MLLT6: variants seen among roughly 807,000 people sequenced by gnomAD.
The protein encoded by MLLT6 is protein AF-17.
Under a neutral mutation model 103.0 loss-of-function variants are expected in MLLT6, and 22 were observed. The ratio of observed to expected loss-of-function variants is 0.21; its 90% CI spans 0.15 to 0.31. The LOEUF is 0.31. MLLT6 is among the 10% of genes least tolerant of loss of function. MLLT6 has a pLI of 1.00. For synonymous variants in MLLT6, 606 were observed against 623.5 expected (o/e 0.97, Z 0.42); for missense variants, 1,199 against 1,441.7 (o/e 0.83, Z 2.73).
intron 17 of MLLT6, 131 bp from the exon 18 acceptor site, chr17:38,722,547 C>A (rs118058662): frequency 7.6e-6 from 5 of 657,216 alleles, no homozygotes; most frequent in African/African-American, 1.8e-5. Context: ...GCTCTAAGAT[C>A]GCACATCCCT....
chr17:38,722,633 A>G (rs772733487), intron 17 of MLLT6, 45 bp from the exon 18 acceptor site: 2 of 377,882 alleles, frequency 5.3e-6, no homozygotes, highest in East Asian at 5.9e-5. Flanking sequence ...GCCCTCCCCC[A>G]TGGTCTGTGT....
At position 38,707,890 on chromosome 17, in the gene MLLT6, G is replaced by C; in HGVS notation, c.354+18G>C. The C allele has an allele frequency of 6.7e-7, 1 of 1,496,490 alleles. No individual in the cohort carries two copies. The highest frequency in any genetic ancestry group is 9.3e-7 in the Non-Finnish European group (1 of 1,078,522). 92.7% of individuals were successfully genotyped at this position (1,496,490 alleles called of 1,614,324 possible). On this transcript the variant is annotated intron_variant, in intron 4 of 19. Coordinates refer to ENST00000621332, the MANE Select transcript of MLLT6 (RefSeq NM_005937.4). ...TCAACAAGGTCAGCGGCCCCCCGCC[G>C]TGTCCCCTACCAGTTCCCTCCCATC...
In MLLT6 at chr17:38,716,174, C is replaced by T. The variant is rs904316981; in HGVS notation, c.1037-193C>T. ...CCAGTAGGGTGCGAGTTACTCTCCC[C>T]CATTTTATTACAGGTGGGAAAGCTG... is the stretch of plus-strand genomic sequence containing the variant. On this transcript the variant is annotated intron_variant, in intron 9 of 19. Transcript: ENST00000621332. This position sits in a 1 kb window ranked among gnomAD's most constrained non-coding sequence, Gnocchi z 5.6. The T allele has an allele frequency of 4.8e-6, 3 of 623,542 alleles. No homozygotes were observed. The Admixed American group carries it at 9.3e-5, about 19-fold the overall frequency. The allele number at this position is 623,542 out of a possible 1,614,324, so 38.6% of individuals were successfully genotyped here.
chr17:38,725,998 C>G lies in MLLT6; in HGVS notation c.*400C>G, dbSNP rs2013861775. 7.4e-6 allele frequency: 2 copies of G among 269,636 alleles called. No homozygotes were observed. The highest frequency in any genetic ancestry group is 2.0e-3 in the Middle Eastern group (2 of 988). The allele number at this position is 269,636 out of a possible 1,614,324, so 16.7% of individuals were successfully genotyped here. A position where few individuals can be genotyped will look rare whatever the true frequency, so the allele number is the denominator to read the frequency against. On this transcript the variant is annotated 3_prime_UTR_variant, in exon 20 of 20. Coordinates refer to ENST00000621332, the MANE Select transcript of MLLT6 (RefSeq NM_005937.4). ...AGAAGTGGAGGGAGAGGCCCTGGGC[C>G]TGTCCCTGCGGGGAAATCTTTTATG... is the stretch of plus-strand genomic sequence containing the variant.
At chr17:38,713,540 C>G in intron 8 of MLLT6, 1 of 156,476 alleles carries the variant, frequency 6.4e-6, no homozygotes, top group Non-Finnish European at 1.4e-5. Flanking sequence ...TGGCAGAGTT[C>G]TGGGCACCTT....
At position 38,715,583 on chromosome 17, in the gene MLLT6, G is replaced by C. The variant is rs370304238; in HGVS notation, c.820-29G>C. The C allele has an allele frequency of 3.1e-6, 5 of 1,589,510 alleles. No homozygotes were observed. The African/African-American group carries it at 6.7e-5, about 21-fold the overall frequency. ...ATCAGCACAGGCCCAGGCACCTGGT[G>C]TTGAACCTTCCTCTCTCCTCTCCTT... On this transcript the variant is annotated intron_variant, in intron 8 of 19. Coordinates refer to ENST00000621332, the MANE Select transcript of MLLT6 (RefSeq NM_005937.4).
At chr17:38,720,812 T>G in intron 16 of MLLT6, 65 bp downstream of exon 16, 24 of 1,403,508 alleles carry the variant, frequency 1.7e-5, no homozygotes, top group Non-Finnish European at 2.2e-5. Flanking sequence ...GTCCCATCTC[T>G]TCCCCGCAGC....
At chr17:38,712,986 G>A (rs1298645363) in intron 8 of MLLT6, 197 bp downstream of exon 8, 3 of 774,362 alleles carry the variant, frequency 3.9e-6, no homozygotes, top group Admixed American at 1.7e-5. Context: ...GACCAACCAT[G>A]GGATTGGGAG....
rs560032731 is a variant in MLLT6 at position 38,727,526 on chromosome 17, G to A, written c.*1928G>A. On this transcript the variant is annotated 3_prime_UTR_variant, in exon 20 of 20. Transcript: ENST00000621332. ...GAAAAGAAAAGTAACCTTCAGGCCA[G>A]GCGCGGTGGCTCACGCCTGTAATCC... The A allele has an allele frequency of 6.9e-4, 144 of 207,916 alleles. No individual in the cohort carries two copies. The highest frequency in any genetic ancestry group is 3.0e-3 in the African/African-American group (134 of 44,050). The allele number at this position is 207,916 out of a possible 1,614,324, so 12.9% of individuals were successfully genotyped here. A position where few individuals can be genotyped will look rare whatever the true frequency, so the allele number is the denominator to read the frequency against.
chr17:38,707,548 G>A lies in MLLT6; in HGVS notation c.244+8G>A, dbSNP rs367839515. ...AGAGGACTGATAATGGAGGTGAGGC[G>A]GGCTCATCTGCTGAGGTCAGCAGGG... On this transcript the variant is annotated splice_region_variant and intron_variant, in intron 3 of 19. Coordinates refer to ENST00000621332, the MANE Select transcript of MLLT6 (RefSeq NM_005937.4). 23 of 1,613,856 alleles carry A rather than the reference G, an allele frequency of 1.4e-5. 1 individual carries two copies. Among genetic ancestry groups the A allele is most frequent in the Middle Eastern group, 1.6e-4 (1 of 6,082 alleles).
intron 14 of MLLT6, 74 bp downstream of exon 14, chr17:38,719,969 A>C: frequency 1.4e-6 from 2 of 1,477,932 alleles, no homozygotes; most frequent in Non-Finnish European, 1.8e-6. Flanking sequence ...GAGGTCCCCA[A>C]GCTTCTTTAA....
chr17:38,723,836 G>A (rs1026893149), intron 18 of MLLT6, among the ~76,000 whole-genome samples: 2 of 149,990 alleles, frequency 1.3e-5, no homozygotes, highest in African/African-American at 2.5e-5. Flanking sequence ...TCCGCCTCCC[G>A]GGTTCAAGGG....
Position 38,716,694 on chromosome 17 carries a change from C to T in MLLT6, c.1364C>T (p.Ala455Val). ...MPALSATPVP[A>V]DETPETGLKE... ...GCACTGAGTGCCACCCCTGTGCCTG[C>T]TGATGAGACCCCTGAGACAGGCCTG... Residue 455 changes from alanine (A) to valine (V), a missense_variant, in exon 10 of 20, where the codon GCT becomes GTT. Around this residue, in one of 7 missense-constraint regions of MLLT6, gnomAD observed 1,034 missense variants for 1,091.5 expected, o/e 0.95. Transcript: ENST00000621332. The surrounding 1 kb of genome is among the most constrained non-coding windows in gnomAD (Gnocchi z 5.6). The T allele has an allele frequency of 1.2e-6, 2 of 1,612,502 alleles. No individual in the cohort carries two copies. Among genetic ancestry groups the T allele is most frequent in the Non-Finnish European group, 1.7e-6 (2 of 1,179,500 alleles).
intron 8 of MLLT6, chr17:38,714,430 C>G (rs545122186): frequency 6.6e-6 from 1 of 152,288 alleles, no homozygotes; most frequent in Non-Finnish European, 1.5e-5. Context: ...GACGTTGAGA[C>G]TTTGCACAGT....
At position 38,728,706 on chromosome 17, in the gene MLLT6, G is replaced by T. The variant is rs1011169135; in HGVS notation, c.*3108G>T. 1 of 234,098 alleles carries T rather than the reference G, an allele frequency of 4.3e-6. No individual in the cohort carries two copies. The highest frequency in any genetic ancestry group is 2.2e-5 in the African/African-American group (1 of 45,362). The allele number at this position is 234,098 out of a possible 1,614,324, so 14.5% of individuals were successfully genotyped here. On this transcript the variant is annotated 3_prime_UTR_variant, in exon 20 of 20. Transcript: ENST00000621332. ...GCCAGGACAAGCCCTCAGGACTGTGGCCTCCTGGCCCTTGGTTCCCCTGCC... is the reference window on the plus strand; with the variant it reads ...GCCAGGACAAGCCCTCAGGACTGTGTCCTCCTGGCCCTTGGTTCCCCTGCC...
Position 38,711,896 on chromosome 17 carries a change from G to T in MLLT6, c.602G>T (p.Gly201Val). The T allele has an allele frequency of 1.2e-6, 2 of 1,605,200 alleles. No homozygotes were observed. The highest frequency in any genetic ancestry group is 1.7e-6 in the Non-Finnish European group (2 of 1,175,548). ...GGAGGCGGAGGAGGCGCTGGAGGAG[G>T]AGGTGGCAGCATGGGGGGAGGTGGC... is the stretch of plus-strand genomic sequence containing the variant. The part of the protein sequence containing the change: ...SGGGGGGAGG[G>V]GGSMGGGGSG... The change falls in exon 7 of 20, where the codon GGA becomes GTA. Residue 201 changes from glycine (G) to valine (V), a missense_variant. Gly to Val is a moderately radical substitution (Grantham distance 109). Transcript: ENST00000621332.
chr17:38,711,553 G>A (rs989196418), intron 6 of MLLT6, among the ~76,000 whole-genome samples: 2 of 152,068 alleles, frequency 1.3e-5, no homozygotes, highest in Non-Finnish European at 2.9e-5. Flanking sequence ...TGAAAGACCC[G>A]GGCCCCAGTC....
rs1230317780 is a variant in MLLT6, at chr17:38,716,499, A to G, written c.1169A>G (p.Lys390Arg). ...TCTCCCTCAGCTCCCGAGCCCCCCA[A>G]GGCTGACCTTTTTGAGCAGAAGGTG... ...PPSPSAPEPP[K>R]ADLFEQKVVF... is the part of the protein sequence containing the mutation. Residue 390 changes from lysine (K) to arginine (R), a missense_variant, in exon 10 of 20, where the codon AAG (lysine) becomes AGG (arginine). By Grantham distance (26) the Lys-to-Arg change is conservative. This residue lies in a region of MLLT6 where 1,034 missense variants were observed against 1,091.5 expected (regional missense o/e 0.95). Transcript: ENST00000621332. The surrounding 1 kb of genome is among the most constrained non-coding windows in gnomAD (Gnocchi z 5.6). 3.1e-6 allele frequency: 5 copies of G among 1,613,966 alleles called. No homozygotes were observed. In the African/African-American group the frequency reaches 4.0e-5, roughly 13 times the overall value.
intron 3 of MLLT6, 46 bp from the exon 4 acceptor site, chr17:38,707,717 C>G (rs746159190): frequency 1.5e-6 from 2 of 1,322,892 alleles, no homozygotes; most frequent in Non-Finnish European, 2.2e-6. Context: ...GGGGTGGAGT[C>G]TCCGGCTTGC....
Sources: gnomAD v4.1 joint callset for allele counts (sites outside exome capture counted in the v4.1 genomes callset) on GRCh38, gnomAD v4.1.1 for gene constraint, gnomAD v4.1.1 regional missense constraint, Gnocchi (gnomAD v3.1) non-coding constraint, MANE v1.5 for transcripts, NCBI Gene and HGNC (gene_info 2026-07-23, HGNC 2026-07-21) for gene names.